Variants in SLC28A1 observed in about 807,000 individuals in gnomAD.
SLC28A1 encodes solute carrier family 28 member 1.
SLC28A1 carries 64 observed loss-of-function variants against 74.8 expected under a neutral mutation model. That is an observed-to-expected ratio of 0.86 (90% CI 0.70 to 1.05). SLC28A1 has a LOEUF of 1.05. SLC28A1 is among the 50% of genes least tolerant of loss of function. SLC28A1 has a pLI of 0.00. For synonymous variants in SLC28A1, 359 were observed against 335.0 expected, an observed-to-expected ratio of 1.07 and a Z score of -0.78; for missense variants, 828 against 822.8, an observed-to-expected ratio of 1.01 and a Z score of -0.08.
chr15:84,925,140 C>T (rs546744054), intron 12 of SLC28A1, among the ~76,000 whole-genome samples: 1 of 135,924 alleles, frequency 7.4e-6, no homozygotes, highest in East Asian at 2.2e-4. Context: ...AGGATGGTCT[C>T]GATCTCCTGA....
chr15:84,908,590 C>CT (rs947903758), intron 8 of SLC28A1, 128 bp from the exon 9 acceptor site: 17 of 760,992 alleles, frequency 2.2e-5, no homozygotes, highest in African/African-American at 3.4e-5. Context: ...AGGTGGTGCC[C>CT]CCCCCCGGAT....
At chr15:84,886,573 G>C in intron 1 of SLC28A1, 99 bp from the exon 2 acceptor site, 1 of 985,568 alleles carries the variant, frequency 1.0e-6, no homozygotes, top group Middle Eastern at 5.2e-4. Flanking sequence ...CTGAGACCGT[G>C]TTGGGGTCCC....
Position 84,890,423 on chromosome 15 carries a change from C to G in SLC28A1, c.186-20C>G. The G allele has an allele frequency of 6.3e-7, 1 of 1,585,598 alleles. No individual in the cohort carries two copies. Among genetic ancestry groups the G allele is most frequent in the Non-Finnish European group, 8.6e-7 (1 of 1,162,232 alleles). On this transcript the variant is annotated intron_variant, in intron 4 of 18. Coordinates refer to ENST00000394573, the MANE Select transcript of SLC28A1 (RefSeq NM_004213.5). ...GGGGTCTGCTCATGCACTCATGGACCCTGCTGGTCTTGTTCCCAGGAGGAA... is the reference window on the plus strand; with the variant it reads ...GGGGTCTGCTCATGCACTCATGGACGCTGCTGGTCTTGTTCCCAGGAGGAA...
chr15:84,903,164 GA>G (rs1966839891), intron 6 of SLC28A1, among the ~76,000 whole-genome samples: 1 of 152,246 alleles, frequency 6.6e-6, no homozygotes, highest in Non-Finnish European at 1.5e-5. Context: ...TGAGCAGAAA[GA>G]AAAGCAGTAG....
intron 1 of SLC28A1, among the ~76,000 whole-genome samples, chr15:84,885,155 C>T (rs1001203375): frequency 6.6e-6 from 1 of 151,668 alleles, no homozygotes; most frequent in Non-Finnish European, 1.5e-5. Context: ...GACGGGGTTT[C>T]ACCATGTTGG....
intron 13 of SLC28A1, among the ~76,000 whole-genome samples, chr15:84,934,249 C>T (rs1971632517): frequency 6.6e-6 from 1 of 152,194 alleles, no homozygotes. Flanking sequence ...AACAATGGAC[C>T]AGGCAAGGCT....
At chr15:84,937,454 A>T (rs1449422202) in intron 15 of SLC28A1, among the ~76,000 whole-genome samples, 1 of 152,166 alleles carries the variant, frequency 6.6e-6, no homozygotes, top group Non-Finnish European at 1.5e-5. Context: ...GCTTCTTTTT[A>T]AAAACAAGGT....
Position 84,904,866 on chromosome 15 carries a change from A to G in SLC28A1, c.603+628A>G, listed in dbSNP as rs543632498. ...CGCACCCATTTGGGAGGGCCCTGCC[A>G]TAGGCAGATGGAATCTTCTCTCTCT... On this transcript the variant is annotated intron_variant, in intron 7 of 18. Transcript: ENST00000394573. Among the ~76,000 whole-genome samples the G allele has an allele frequency of 4.6e-5, 7 of 152,362 alleles. No homozygotes were observed. In the South Asian group the frequency reaches 1.4e-3, roughly 32 times the overall value.
rs767269764 is a variant in SLC28A1 at position 84,905,654 on chromosome 15, T to C, written c.717+2T>C. 1 of 1,603,886 alleles carries C rather than the reference T, an allele frequency of 6.2e-7. No homozygotes were observed. Among genetic ancestry groups the C allele is most frequent in the African/African-American group, 1.3e-5 (1 of 74,650 alleles). On this transcript the variant is annotated splice_donor_variant, in intron 8 of 18. Coordinates refer to ENST00000394573, the MANE Select transcript of SLC28A1 (RefSeq NM_004213.5). LOFTEE classifies it high-confidence loss of function. The stretch of plus-strand genomic sequence containing the variant: ...GAGTGGCTGGGCGAGCAGATCCGGG[T>C]AGGTATGTGGGGTCTGGCTGCCCAG...
At chr15:84,904,895 C>A (rs1966880139) in intron 7 of SLC28A1, among the ~76,000 whole-genome samples, 1 of 152,254 alleles carries the variant, frequency 6.6e-6, no homozygotes, top group Non-Finnish European at 1.5e-5. Flanking sequence ...TCTCTCTCTG[C>A]CTCCATAGCA....
chr15:84,911,159 C>T (rs1039428660), intron 9 of SLC28A1, among the ~76,000 whole-genome samples: 2 of 151,928 alleles, frequency 1.3e-5, no homozygotes, highest in South Asian at 4.1e-4. Context: ...CCGCGTCTCT[C>T]CTGCGTCATT....
rs1969788932 is a variant in SLC28A1 at position 84,921,173 on chromosome 15, T to C, written c.957+104T>C. ...CTGATTCAGTCCAAGGAAGAGCCATTTGAACCTTCTCCCAGGGTCATCAAA... is the reference window on the plus strand; with the variant it reads ...CTGATTCAGTCCAAGGAAGAGCCATCTGAACCTTCTCCCAGGGTCATCAAA... On this transcript the variant is annotated intron_variant, in intron 11 of 18. Coordinates refer to ENST00000394573, the MANE Select transcript of SLC28A1 (RefSeq NM_004213.5). 18 of 864,792 alleles carry C rather than the reference T, an allele frequency of 2.1e-5. No homozygotes were observed. The South Asian group carries it at 2.5e-4, about 12-fold the overall frequency. 53.6% of individuals were successfully genotyped at this position (864,792 alleles called of 1,614,324 possible).
chr15:84,945,594 T>G lies in SLC28A1; in HGVS notation c.*394T>G. ...AAAGCCTCCTCCCCTCCCCACTTCC[T>G]AGGCACTAGGATCTCTCTGTGGCTT... On this transcript the variant is annotated 3_prime_UTR_variant, in exon 19 of 19. Coordinates refer to ENST00000394573, the MANE Select transcript of SLC28A1 (RefSeq NM_004213.5). 3.2e-6 allele frequency: 1 copy of G among 309,098 alleles called. No individual in the cohort carries two copies. The highest frequency in any genetic ancestry group is 8.3e-5 in the East Asian group (1 of 12,038). The allele number at this position is 309,098 out of a possible 1,614,324, so 19.1% of individuals were successfully genotyped here. A position where few individuals can be genotyped will look rare whatever the true frequency, so the allele number is the denominator to read the frequency against.
At chr15:84,915,986 G>A (rs945822512) in intron 9 of SLC28A1, among the ~76,000 whole-genome samples, 1 of 151,644 alleles carries the variant, frequency 6.6e-6, no homozygotes, top group Non-Finnish European at 1.5e-5. Flanking sequence ...ATTTTAGACA[G>A]GGTCTCACTC....
At chr15:84,905,787 C>A in intron 8 of SLC28A1, 135 bp downstream of exon 8, 3 of 729,338 alleles carry the variant, frequency 4.1e-6, no homozygotes, top group African/African-American at 1.7e-5. Flanking sequence ...TGGACTGGGG[C>A]CCCAGACCAG....
At chr15:84,944,889 C>T in intron 18 of SLC28A1, 22 bp downstream of exon 18, 5 of 1,514,572 alleles carry the variant, frequency 3.3e-6, no homozygotes, top group Non-Finnish European at 4.6e-6. Flanking sequence ...GGCTGTGGGA[C>T]CTGCAGGGCA....
rs201223714 is a variant in SLC28A1, at chr15:84,913,827, C to CT, written c.796-4696dup. Among the ~76,000 whole-genome samples, 856 of 146,974 alleles carry CT rather than the reference C, an allele frequency of 5.8e-3. 6 individuals are homozygous for CT. Among genetic ancestry groups the CT allele is most frequent in the Middle Eastern group, 0.025 (7 of 278 alleles). ...TCTCACACTTCTAGAGGCTGGAAGT[C>CT]TGAGATCAGTGTCCCTGCAAGGTTG... is the stretch of plus-strand genomic sequence containing the variant. On this transcript the variant is annotated intron_variant, in intron 9 of 18. Coordinates refer to ENST00000394573, the MANE Select transcript of SLC28A1 (RefSeq NM_004213.5).
At chr15:84,968,725 G>T in the SLC28A1 span, among the ~76,000 whole-genome samples, 6 of 152,368 alleles carry the variant, frequency 3.9e-5, no homozygotes, top group East Asian at 9.6e-4. Flanking sequence ...TCTTGAGAAC[G>T]ATCTGTTGCC....
intron 13 of SLC28A1, among the ~76,000 whole-genome samples, chr15:84,934,246 G>C (rs898184772): frequency 2.0e-5 from 3 of 152,328 alleles, no homozygotes; most frequent in African/African-American, 7.2e-5. Context: ...GGAAACAATG[G>C]ACCAGGCAAG....
Sources: allele counts gnomAD v4.1 joint callset (sites outside exome capture counted in the v4.1 genomes callset), GRCh38; gene constraint gnomAD v4.1.1; transcripts MANE v1.5; gene names NCBI Gene and HGNC (gene_info 2026-07-23, HGNC 2026-07-21).